Variants in TTI1 observed in about 807,000 individuals in gnomAD.
TTI1 encodes TELO2 interacting protein 1, also known as TELO2-interacting protein 1 homolog.
TTI1 carries 52 observed loss-of-function variants against 85.4 expected under a neutral mutation model. The ratio of observed to expected loss-of-function variants is 0.61; its 90% CI spans 0.49 to 0.77. The LOEUF is 0.77. TTI1 is among the 30% of genes least tolerant of loss of function. The pLI is 0.00. For synonymous variants in TTI1, 512 were observed against 503.9 expected (o/e 1.02, Z -0.22); for missense variants, 1,173 against 1,296.0 (o/e 0.91, Z 1.46).
At chr20:37,992,040 G>A (rs2073272148) in intron 7 of TTI1, among the ~76,000 whole-genome samples, 1 of 152,174 alleles carries the variant, frequency 6.6e-6, no homozygotes, top group Non-Finnish European at 1.5e-5. Context: ...CACACACAAT[G>A]GCGAGGCAGA....
chr20:38,011,428 C>T, intron 2 of TTI1, 87 bp downstream of exon 2: 2 of 1,469,348 alleles, frequency 1.4e-6, no homozygotes, highest in Non-Finnish European at 1.8e-6. Flanking sequence ...AGCATCACCA[C>T]AAACAATGCA....
intron 3 of TTI1, among the ~76,000 whole-genome samples, chr20:38,003,092 C>T (rs2073448909): frequency 6.6e-6 from 1 of 152,112 alleles, no homozygotes; most frequent in Non-Finnish European, 1.5e-5. Flanking sequence ...TCCTGAGTGG[C>T]TAGGACTACA....
At chr20:38,004,744 C>T (rs1405043334) in intron 3 of TTI1, among the ~76,000 whole-genome samples, 2 of 152,180 alleles carry the variant, frequency 1.3e-5, no homozygotes, top group Admixed American at 6.5e-5. Flanking sequence ...GTCTGCTCTA[C>T]GTGAACATCA....
chr20:38,022,530 G>T (rs2073783452), intron 1 of TTI1, among the ~76,000 whole-genome samples: 1 of 152,142 alleles, frequency 6.6e-6, no homozygotes, highest in Admixed American at 6.5e-5. Flanking sequence ...GCAAGATCTG[G>T]TTCTGTCATT....
rs1200863723 is a variant in TTI1 at position 37,996,913 on chromosome 20, C to T, written c.2834G>A (p.Arg945His). 1.1e-5 allele frequency: 17 copies of T among 1,614,032 alleles called. No individual in the cohort carries two copies. The highest frequency in any genetic ancestry group is 1.1e-5 in the Non-Finnish European group (13 of 1,180,020). ...TLGSKCGDFL[R>H]SRFCKDVLPK... is the part of the protein sequence containing the mutation. ...CAGGACATCTTTGCAGAACCGGCTG[C>T]GAAGAAAGTCACCACACTTGCTTCC... is the stretch of plus-strand genomic sequence containing the variant. The change falls in exon 6 of 8, where the codon CGC becomes CAC. Residue 945 changes from arginine to histidine, a missense_variant. By Grantham distance (29) the Arg-to-His change is conservative (BLOSUM62 0). Coordinates refer to ENST00000373447, the MANE Select transcript of TTI1 (RefSeq NM_001303457.2).
intron 4 of TTI1, among the ~76,000 whole-genome samples, chr20:38,000,247 G>T (rs1484587780): frequency 1.3e-5 from 2 of 152,160 alleles, no homozygotes; most frequent in Admixed American, 1.3e-4. Flanking sequence ...GGAGAAAGTT[G>T]GGCGGCTAGG....
chr20:38,031,809 T>C (rs1352324550), intron 1 of TTI1, among the ~76,000 whole-genome samples: 1 of 152,254 alleles, frequency 6.6e-6, no homozygotes, highest in Non-Finnish European at 1.5e-5. Context: ...TCCAAGTACA[T>C]AGGGTACTTA....
chr20:38,028,154 G>A (rs1280716922), intron 1 of TTI1, among the ~76,000 whole-genome samples: 3 of 152,080 alleles, frequency 2.0e-5, no homozygotes, highest in East Asian at 3.9e-4. Flanking sequence ...CTACAGAGAC[G>A]GAACCCATGA....
At chr20:37,998,961 A>G (rs1419243944) in intron 5 of TTI1, among the ~76,000 whole-genome samples, 1 of 152,226 alleles carries the variant, frequency 6.6e-6, no homozygotes, top group Non-Finnish European at 1.5e-5. Flanking sequence ...TCCTTTGTGG[A>G]GGAGTGCTGA....
intron 7 of TTI1, among the ~76,000 whole-genome samples, chr20:37,990,488 G>A (rs2073248031): frequency 6.6e-6 from 1 of 152,180 alleles, no homozygotes; most frequent in Non-Finnish European, 1.5e-5. Flanking sequence ...AACAATGTGA[G>A]GCCTTGGTAG....
intron 4 of TTI1, among the ~76,000 whole-genome samples, chr20:38,001,755 GT>G (rs2073428637): frequency 6.6e-6 from 1 of 151,548 alleles, no homozygotes; most frequent in African/African-American, 2.4e-5. Flanking sequence ...TTTCACTCTT[GT>G]TACTCAGGCT....
At position 37,983,521 on chromosome 20, in the gene TTI1, C is replaced by G. The variant is rs756784886; in HGVS notation, c.3205G>C (p.Gly1069Arg). Residue 1069 changes from glycine (G) to arginine (R), a missense_variant, in exon 8 of 8, where the codon GGG (glycine) becomes CGG (arginine). Physicochemically the swap from Gly to Arg is moderately radical, Grantham distance 125. Coordinates refer to ENST00000373447, the MANE Select transcript of TTI1 (RefSeq NM_001303457.2). ...HPSLHPVQLH[G>R]ASGQQNPYTT... ...TAGGGGTTCTGCTGCCCGCTGGCCC[C>G]GTGCAGCTGCACAGGGTGGAGGCTG... is the stretch of plus-strand genomic sequence containing the variant. The G allele has an allele frequency of 6.2e-7, 1 of 1,610,974 alleles. No homozygotes were observed. Among genetic ancestry groups the G allele is most frequent in the Admixed American group, 1.7e-5 (1 of 59,836 alleles).
intron 7 of TTI1, among the ~76,000 whole-genome samples, chr20:37,987,595 C>T (rs1025441401): frequency 4.6e-5 from 7 of 152,206 alleles, no homozygotes; most frequent in Non-Finnish European, 7.3e-5. Flanking sequence ...CTCAGCTGTG[C>T]CACATGCCTC....
chr20:38,001,716 TTCTC>T (rs1031268261), intron 4 of TTI1, among the ~76,000 whole-genome samples: 2 of 152,010 alleles, frequency 1.3e-5, no homozygotes, highest in Non-Finnish European at 2.9e-5. Flanking sequence ...GCAGTTGTGT[TTCTC>T]TCTCTTTTTT....
At chr20:38,008,148 C>T (rs531790630) in intron 2 of TTI1, among the ~76,000 whole-genome samples, 4 of 152,264 alleles carry the variant, frequency 2.6e-5, no homozygotes, top group South Asian at 4.1e-4. Flanking sequence ...TGGGTGATGG[C>T]GTGGCAAAAC....
At position 38,002,672 on chromosome 20, in the gene TTI1, A is replaced by T; in HGVS notation, c.2608T>A (p.Cys870Ser). Residue 870 changes from cysteine (C) to serine (S), a missense_variant, in exon 4 of 8, where the codon TGC (cysteine) becomes AGC (serine). By Grantham distance (112) the Cys-to-Ser change is moderately radical. Coordinates refer to ENST00000373447, the MANE Select transcript of TTI1 (RefSeq NM_001303457.2). ...IQIAMDVMER[C>S]IHLLSDKNLQ... ...TTTTTATCTGACAACAAGTGGATGCAGCGTTCCATCACGTCCATGGCTATT... is the reference window on the plus strand; with the variant it reads ...TTTTTATCTGACAACAAGTGGATGCTGCGTTCCATCACGTCCATGGCTATT... The T allele has an allele frequency of 3.1e-6, 5 of 1,614,242 alleles. No homozygotes were observed. The highest frequency in any genetic ancestry group is 4.2e-6 in the Non-Finnish European group (5 of 1,180,046).
chr20:37,996,835 C>T lies in TTI1; in HGVS notation c.2912G>A (p.Gly971Glu), dbSNP rs1268040219. The T allele has an allele frequency of 3.1e-6, 5 of 1,613,992 alleles. No individual in the cohort carries two copies. Among genetic ancestry groups the T allele is most frequent in the African/African-American group, 1.3e-5 (1 of 74,914 alleles). ...GGCCAGCGTGTGCGAGTAAACTGGT[C>T]CAGCCCTGGCACTGATGGGGGCCTG... ...VTQAPISARAGPVYSHTLAFK... is the reference protein window; with the variant it reads ...VTQAPISARAEPVYSHTLAFK... The change falls in exon 6 of 8, where the codon GGA becomes GAA. Residue 971 changes from glycine (G) to glutamate (E), a missense_variant. By Grantham distance (98) the Gly-to-Glu change is moderately conservative. Transcript: ENST00000373447.
At chr20:37,990,604 T>C (rs6013620) in intron 7 of TTI1, among the ~76,000 whole-genome samples, 2,035 of 152,284 alleles carry the variant, frequency 0.013, 44 homozygotes, top group African/African-American at 0.045. Flanking sequence ...ATAGAGATCA[T>C]CTCCCTGGCT....
chr20:38,009,218 G>C (rs2073545150), intron 2 of TTI1, among the ~76,000 whole-genome samples: 1 of 152,246 alleles, frequency 6.6e-6, no homozygotes, highest in Admixed American at 6.5e-5. Flanking sequence ...ATGGAAGCCA[G>C]TCTTAGTCTG....
Sources: allele counts gnomAD v4.1 joint callset (sites outside exome capture counted in the v4.1 genomes callset), GRCh38; gene constraint gnomAD v4.1.1; transcripts MANE v1.5; gene names NCBI Gene and HGNC (gene_info 2026-07-23, HGNC 2026-07-21).